SEMA3D: variants seen among roughly 807,000 people sequenced by gnomAD.
SEMA3D encodes the protein semaphorin-3D.
Under a neutral mutation model 100.1 loss-of-function variants are expected in SEMA3D, and 84 were observed. That is an observed-to-expected ratio of 0.84 (90% confidence interval 0.70 to 1.01). SEMA3D has a LOEUF of 1.01. Ranked by LOEUF, SEMA3D falls within the 50% of genes least tolerant of loss-of-function variation. SEMA3D has a pLI of 0.00. For missense variants in SEMA3D, 875 were observed against 934.1 expected (o/e 0.94, Z 0.82); for synonymous variants, 312 against 320.7 (o/e 0.97, Z 0.29).
chr7:85,016,154 T>C (rs1442095630), intron 15 of SEMA3D, among the ~76,000 whole-genome samples: 2 of 151,734 alleles, frequency 1.3e-5, no homozygotes, highest in African/African-American at 4.8e-5. Context: ...TTCTCTATAC[T>C]GTTTGACACT....
chr7:85,172,711 G>A (rs981567793), intron 1 of SEMA3D, among the ~76,000 whole-genome samples: 1 of 151,962 alleles, frequency 6.6e-6, no homozygotes, highest in Non-Finnish European at 1.5e-5. Flanking sequence ...AATTTAGGAA[G>A]CAAGCATTCT....
chr7:85,143,094 T>A, intron 2 of SEMA3D: 1 of 943,008 alleles, frequency 1.1e-6, no homozygotes, highest in Non-Finnish European at 1.3e-6. Flanking sequence ...TTCACAATAA[T>A]GACAATGAGT....
the SEMA3D span, among the ~76,000 whole-genome samples, chr7:85,194,561 T>G: frequency 6.6e-6 from 1 of 152,140 alleles, no homozygotes; most frequent in Non-Finnish European, 1.5e-5. Flanking sequence ...TTCAGCCATT[T>G]AACGTTTTAA....
intron 1 of SEMA3D, chr7:85,167,195 A>T: frequency 1.2e-6 from 1 of 801,942 alleles, no homozygotes. Context: ...ACTACATTGA[A>T]ATGTCAAGAG....
At chr7:85,116,875 T>C (rs538814451) in intron 3 of SEMA3D, among the ~76,000 whole-genome samples, 11 of 152,252 alleles carry the variant, frequency 7.2e-5, no homozygotes, top group African/African-American at 2.6e-4. Context: ...CTGATTTGCA[T>C]AGGTGTCTTT....
chr7:85,103,010 T>C (rs756613763), intron 3 of SEMA3D, among the ~76,000 whole-genome samples: 3 of 152,068 alleles, frequency 2.0e-5, no homozygotes, highest in Non-Finnish European at 4.4e-5. Flanking sequence ...CTTCAACAAT[T>C]CATTGTAGCC....
intron 2 of SEMA3D, among the ~76,000 whole-genome samples, chr7:85,148,826 T>G (rs1049396562): frequency 1.3e-5 from 2 of 152,084 alleles, no homozygotes; most frequent in Non-Finnish European, 2.9e-5. Context: ...TGTGTGTGTG[T>G]AGATTTTTTT....
At chr7:85,006,753 C>T (rs755280463) in intron 18 of SEMA3D, 49 bp downstream of exon 18, 16 of 1,475,210 alleles carry the variant, frequency 1.1e-5, no homozygotes, top group Admixed American at 1.0e-4. Flanking sequence ...ATCTCTCAAT[C>T]GTACACTATT....
chr7:85,007,027 T>A, intron 17 of SEMA3D, 86 bp from the exon 18 acceptor site: 2 of 987,854 alleles, frequency 2.0e-6, no homozygotes, highest in Non-Finnish European at 2.9e-6. Flanking sequence ...ACAGATGCCA[T>A]GGGGAAAGAA....
intron 12 of SEMA3D, among the ~76,000 whole-genome samples, chr7:85,032,267 T>G (rs1038613749): frequency 2.0e-5 from 3 of 152,012 alleles, no homozygotes; most frequent in Non-Finnish European, 2.9e-5. Flanking sequence ...TGGTAAAGTG[T>G]ATTTGTATAA....
chr7:85,042,609 T>A (rs1442150960), intron 9 of SEMA3D, among the ~76,000 whole-genome samples: 1 of 152,226 alleles, frequency 6.6e-6, no homozygotes, highest in Non-Finnish European at 1.5e-5. Flanking sequence ...AGAGACTATT[T>A]TTTTTAAGTC....
chr7:85,213,731 G>A, the SEMA3D span, among the ~76,000 whole-genome samples: 1 of 152,180 alleles, frequency 6.6e-6, no homozygotes, highest in Non-Finnish European at 1.5e-5. Context: ...ATCACTTAGT[G>A]TAAGTGCATG....
In SEMA3D at chr7:84,996,670, T is replaced by A. The variant is rs1204402953; in HGVS notation, c.*2770A>T. On this transcript the variant is annotated 3_prime_UTR_variant, in exon 19 of 19. Coordinates refer to ENST00000284136, the MANE Select transcript of SEMA3D (RefSeq NM_001384900.1). The stretch of plus-strand genomic sequence containing the variant: ...TATTTAGCAGCATAAATTGCTGAAA[T>A]GAAATTCAGAAAAGAACACACAAGG... 6.6e-6 allele frequency: 1 copy of A among 152,336 alleles called. No individual in the cohort carries two copies. The highest frequency in any genetic ancestry group is 2.4e-5 in the African/African-American group (1 of 41,450). The allele number at this position is 152,336 out of a possible 1,614,324, so 9.4% of individuals were successfully genotyped here.
At chr7:85,031,284 T>C (rs568690539) in intron 12 of SEMA3D, among the ~76,000 whole-genome samples, 1 of 151,990 alleles carries the variant, frequency 6.6e-6, no homozygotes, top group South Asian at 2.1e-4. Context: ...GCAATACAGA[T>C]GCAGAAAATG....
At chr7:85,209,647 C>T in the SEMA3D span, among the ~76,000 whole-genome samples, 2 of 152,074 alleles carry the variant, frequency 1.3e-5, no homozygotes, top group African/African-American at 4.8e-5. Flanking sequence ...TAGTGATTCA[C>T]TTCTTTCTTC....
At chr7:85,085,884 G>A (rs1242852997) in intron 4 of SEMA3D, among the ~76,000 whole-genome samples, 3 of 152,050 alleles carry the variant, frequency 2.0e-5, no homozygotes, top group Admixed American at 1.3e-4. Flanking sequence ...TAATGTTTTT[G>A]TTGTACATTT....
intron 2 of SEMA3D, chr7:85,151,628 TGTGA>T: frequency 1.1e-6 from 1 of 877,160 alleles, no homozygotes; most frequent in Non-Finnish European, 1.4e-6. Context: ...TGTGTGTGTG[TGTGA>T]TCAAGGTATG....
chr7:85,197,496 C>T, the SEMA3D span, among the ~76,000 whole-genome samples: 3 of 151,764 alleles, frequency 2.0e-5, no homozygotes, highest in Admixed American at 6.6e-5. Context: ...TGAGTTGTCC[C>T]GCCTTTCTGG....
intron 7 of SEMA3D, among the ~76,000 whole-genome samples, chr7:85,067,352 C>T (rs1791657358): frequency 6.6e-6 from 1 of 152,060 alleles, no homozygotes; most frequent in South Asian, 2.1e-4. Context: ...AACCATCTAT[C>T]TCATTTTCTG....
Sources: allele counts gnomAD v4.1 joint callset (sites outside exome capture counted in the v4.1 genomes callset), GRCh38; gene constraint gnomAD v4.1.1; transcripts MANE v1.5; gene names NCBI Gene and HGNC (gene_info 2026-07-23, HGNC 2026-07-21).